SMG1: variants seen among roughly 807,000 people sequenced by gnomAD.
The protein encoded by SMG1 is serine/threonine-protein kinase SMG1.
In SMG1, 22 loss-of-function variants were observed where a neutral mutation model predicts 419.9. That is an observed-to-expected ratio of 0.05 (90% CI 0.04 to 0.07). The LOEUF (loss-of-function observed/expected upper bound fraction) is 0.07. Ranked by LOEUF, SMG1 falls within the 10% of genes least tolerant of loss-of-function variation. The pLI is 1.00. For missense variants in SMG1, 3,185 were observed against 4,342.0 expected, an observed-to-expected ratio of 0.73 and a Z score of 7.49; for synonymous variants, 1,538 against 1,553.5, an observed-to-expected ratio of 0.99 and a Z score of 0.23.
At chr16:18,925,882 C>T in intron 1 of SMG1, 68 bp downstream of exon 1, 1 of 1,266,432 alleles carries the variant, frequency 7.9e-7, no homozygotes, top group Non-Finnish European at 1.1e-6. Context: ...AGCCCCGCGG[C>T]CCTAGGCCTC....
rs946313558 is a variant in SMG1 at position 18,808,868 on chromosome 16, G to A, written c.*701C>T. The A allele has an allele frequency of 6.6e-6, 1 of 152,574 alleles. No individual in the cohort carries two copies. Among genetic ancestry groups the A allele is most frequent in the Non-Finnish European group, 1.5e-5 (1 of 68,024 alleles). 9.5% of individuals were successfully genotyped at this position (152,574 alleles called of 1,614,324 possible). ...GAAATAAAAGTGAATTTGAAAGATG[G>A]CTAATCTACTAGATTAGGTAAAGGG... On this transcript the variant is annotated 3_prime_UTR_variant, in exon 63 of 63. Transcript: ENST00000446231.
At chr16:18,910,610 C>G (rs1161374102) in intron 1 of SMG1, among the ~76,000 whole-genome samples, 1 of 151,860 alleles carries the variant, frequency 6.6e-6, no homozygotes, top group Non-Finnish European at 1.5e-5. Context: ...AGTGATCCAC[C>G]CACCTCCCTG....
chr16:18,834,113 G>T (rs1221569104), intron 50 of SMG1, 91 bp downstream of exon 50: 2 of 861,810 alleles, frequency 2.3e-6, no homozygotes, highest in Admixed American at 5.1e-5. Flanking sequence ...CATTCAAATG[G>T]GGAAGTCAAA....
In SMG1 at chr16:18,841,756, A is replaced by G; in HGVS notation, c.6505T>C (p.Phe2169Leu). 1 of 1,613,980 alleles carries G rather than the reference A, an allele frequency of 6.2e-7. No individual in the cohort carries two copies. Among genetic ancestry groups the G allele is most frequent in the Non-Finnish European group, 8.5e-7 (1 of 1,179,868 alleles). ...AACATGGTATTCACAATAGATAGGA[A>G]CTGCATTATTCTCTCATCCAGATGT... ...DLHLDERIMQ[F>L]LSIVNTMFAT... The change falls in exon 41 of 63, where the codon TTC becomes CTC. Residue 2169 changes from phenylalanine (F) to leucine (L), a missense_variant. Phe to Leu is a conservative substitution (Grantham distance 22). Transcript: ENST00000446231.
rs1259608012 is a variant in SMG1, at chr16:18,829,168, G to C, written c.9603+118C>G. 6.5e-6 allele frequency: 5 copies of C among 769,608 alleles called. No individual in the cohort carries two copies. The Admixed American group carries it at 1.1e-4, about 18-fold the overall frequency. The allele number at this position is 769,608 out of a possible 1,614,324, so 47.7% of individuals were successfully genotyped here. On this transcript the variant is annotated intron_variant, in intron 54 of 62. Transcript: ENST00000446231. ...AAAATGCTATGGTGTGTTTGCATTG[G>C]GTTGCTGTGAGTTCAGGAAGTTTTA...
At chr16:18,925,776 T>C in intron 1 of SMG1, 174 bp downstream of exon 1, 1 of 467,948 alleles carries the variant, frequency 2.1e-6, no homozygotes, top group East Asian at 3.9e-5. Context: ...CACTTAGGCC[T>C]CGCCTCCCCG....
At chr16:18,816,264 G>C (rs766554897) in intron 58 of SMG1, 38 bp downstream of exon 58, 1 of 1,483,714 alleles carries the variant, frequency 6.7e-7, no homozygotes, top group South Asian at 1.2e-5. Context: ...TTTTATAACA[G>C]AGGGAGAGTA....
intron 19 of SMG1, 87 bp downstream of exon 19, chr16:18,869,767 A>G: frequency 8.8e-7 from 1 of 1,131,170 alleles, no homozygotes; most frequent in Non-Finnish European, 1.3e-6. Flanking sequence ...CCACCCCCAA[A>G]CATATTTTCT....
Position 18,879,318 on chromosome 16 carries a change from T to C in SMG1, c.1518+177A>G, listed in dbSNP as rs2036282779. The C allele has an allele frequency of 1.7e-5, 10 of 593,472 alleles. No individual in the cohort carries two copies. The South Asian group carries it at 2.0e-4, about 12-fold the overall frequency. The allele number at this position is 593,472 out of a possible 1,614,324, so 36.8% of individuals were successfully genotyped here. On this transcript the variant is annotated intron_variant, in intron 11 of 62. Transcript: ENST00000446231. ...TTTGTACAGATGGGGTCTCACTACA[T>C]TGCCCAAGCTGTGCCAGAATTCCTG...
chr16:18,878,786 T>C (rs1037968306), intron 11 of SMG1: 29 of 152,626 alleles, frequency 1.9e-4, no homozygotes, highest in African/African-American at 6.8e-4. Flanking sequence ...GGCAGGTGGA[T>C]TGCTTGAGCC....
rs1395835139 is a variant in SMG1 at position 18,896,960 on chromosome 16, T to C, written c.93-4A>G. ...GTCGGCTGATGCACTATCAGTTCTA[T>C]AAAAAGAGAAAAGTTTAAGATTAGA... On this transcript the variant is annotated splice_region_variant and splice_polypyrimidine_tract_variant and intron_variant, in intron 1 of 62. Transcript: ENST00000446231. 3 of 1,531,256 alleles carry C rather than the reference T, an allele frequency of 2.0e-6. No individual in the cohort carries two copies. The highest frequency in any genetic ancestry group is 1.2e-5 in the South Asian group (1 of 82,158). The allele number at this position is 1,531,256 out of a possible 1,614,324, so 94.9% of individuals were successfully genotyped here.
chr16:18,829,784 C>T, intron 53 of SMG1, 29 bp from the exon 54 acceptor site: 1 of 1,561,532 alleles, frequency 6.4e-7, no homozygotes, highest in Non-Finnish European at 8.7e-7. Context: ...TCTTGTATTT[C>T]ATGAAAAAAA....
chr16:18,805,887 T>C lies in SMG1; in HGVS notation c.*3682A>G, dbSNP rs989984705. On this transcript the variant is annotated 3_prime_UTR_variant, in exon 63 of 63. Coordinates refer to ENST00000446231, the MANE Select transcript of SMG1 (RefSeq NM_015092.5). Reference sequence around the variant, plus strand: ...GCGAATAGTAAAGCATTCACTGATATTTGATGTATCTGAATAGGACTAACA... The same window carrying C: ...GCGAATAGTAAAGCATTCACTGATACTTGATGTATCTGAATAGGACTAACA... 20 of 152,636 alleles carry C rather than the reference T, an allele frequency of 1.3e-4. No homozygotes were observed. The highest frequency in any genetic ancestry group is 4.6e-4 in the African/African-American group (19 of 41,456). 9.5% of individuals were successfully genotyped at this position (152,636 alleles called of 1,614,324 possible).
chr16:18,837,141 T>G, intron 46 of SMG1, 112 bp downstream of exon 46: 1 of 1,050,950 alleles, frequency 9.5e-7, no homozygotes, highest in Non-Finnish European at 1.3e-6. Flanking sequence ...TGAGACAGCT[T>G]TTATCATTTA....
chr16:18,844,903 GA>G (rs561879642), intron 39 of SMG1, among the ~76,000 whole-genome samples: 122 of 152,152 alleles, frequency 8.0e-4, no homozygotes, highest in African/African-American at 2.8e-3. Context: ...ATAGAATTAA[GA>G]AAACCAAAAT....
chr16:18,900,211 T>C (rs2141876518), intron 1 of SMG1: 1 of 500,178 alleles, frequency 2.0e-6, no homozygotes, highest in Non-Finnish European at 3.5e-6. Flanking sequence ...CTCTGTGCCT[T>C]ACAGGATAAA....
chr16:18,902,750 C>A (rs1381412262), intron 1 of SMG1, among the ~76,000 whole-genome samples: 2 of 151,562 alleles, frequency 1.3e-5, no homozygotes, highest in Non-Finnish European at 2.9e-5. Context: ...AAACTTGCAA[C>A]TAGTATTAGA....
chr16:18,819,434 A>G lies in SMG1; in HGVS notation c.9894+68T>C, dbSNP rs1336342447. The G allele has an allele frequency of 1.0e-5, 16 of 1,539,018 alleles. No homozygotes were observed. The Admixed American group carries it at 1.5e-4, about 15-fold the overall frequency. ...TCAAGCTCCCCTAGTTACCCCACAT[A>G]TAACTTCCAGCTACTCATCTAATCC... On this transcript the variant is annotated intron_variant, in intron 56 of 62. Transcript: ENST00000446231.
At position 18,842,437 on chromosome 16, in the gene SMG1, T is replaced by C. The variant is rs750504488; in HGVS notation, c.6237A>G (p.Gln2079=). The part of the protein sequence containing the change: ...IPFKEIMLSL[Q]QRAQKRASYI... Reference sequence around the variant, plus strand: ...AACTTGCACGTTTCTGTGCTCTCTGTTGCAAACTTAGCATTATCTATATTC... The same window carrying C: ...AACTTGCACGTTTCTGTGCTCTCTGCTGCAAACTTAGCATTATCTATATTC... Residue 2079 remains glutamine (Q), a synonymous_variant, in exon 40 of 63, where the codon CAA becomes CAG. Coordinates refer to ENST00000446231, the MANE Select transcript of SMG1 (RefSeq NM_015092.5). 6.2e-6 allele frequency: 10 copies of C among 1,613,834 alleles called. No homozygotes were observed. Among genetic ancestry groups the C allele is most frequent in the Non-Finnish European group, 7.6e-6 (9 of 1,179,772 alleles).
Sources: gnomAD v4.1 joint callset for allele counts (sites outside exome capture counted in the v4.1 genomes callset) on GRCh38, gnomAD v4.1.1 for gene constraint, MANE v1.5 for transcripts, NCBI Gene and HGNC (gene_info 2026-07-23, HGNC 2026-07-21) for gene names.